Variants in SFMBT2 observed in about 807,000 individuals in gnomAD.
SFMBT2 encodes the protein Scm like with four mbt domains 2, also known as scm-like with four MBT domains protein 2.
A neutral mutation model predicts 110.1 loss-of-function variants in SFMBT2; 38 were observed. The observed-to-expected ratio is 0.35, with a 90% confidence interval of 0.27 to 0.45. The LOEUF (loss-of-function observed/expected upper bound fraction) is 0.45, where lower values mean the gene tolerates loss of function less well. Among genes scored for constraint, SFMBT2 ranks in the 20% least tolerant of loss-of-function variants. SFMBT2 has a pLI of 1.00. For missense variants in SFMBT2, 1,011 were observed against 1,094.9 expected (o/e 0.92, Z 1.08); for synonymous variants, 425 against 425.4 (o/e 1.00, Z 0.01).
chr10:7,327,798 G>C (rs1843440797), intron 4 of SFMBT2, among the ~76,000 whole-genome samples: 1 of 152,028 alleles, frequency 6.6e-6, no homozygotes, highest in Non-Finnish European at 1.5e-5. Context: ...TGTATCAATA[G>C]TTCTTTCAAC....
intron 3 of SFMBT2, among the ~76,000 whole-genome samples, chr10:7,369,575 A>C (rs1408664540): frequency 2.0e-5 from 3 of 152,318 alleles, no homozygotes; most frequent in African/African-American, 7.2e-5. Flanking sequence ...GTTGGATCCA[A>C]ATGTTTTCAT....
chr10:7,202,823 A>G (rs1839000062), intron 12 of SFMBT2: 1 of 985,334 alleles, frequency 1.0e-6, no homozygotes, highest in Non-Finnish European at 1.2e-6. Flanking sequence ...ACCTCACATT[A>G]GCACACATGT....
At chr10:7,249,337 T>C (rs890042005) in intron 7 of SFMBT2, 2 of 226,926 alleles carry the variant, frequency 8.8e-6, no homozygotes, top group African/African-American at 4.7e-5. Context: ...CTTTCCCGCC[T>C]CCTAAGATAA....
Position 7,288,729 on chromosome 10 carries a change from G to A in SFMBT2, c.437-2775C>T, listed in dbSNP as rs986192203. On this transcript the variant is annotated intron_variant, in intron 4 of 20. Coordinates refer to ENST00000397167, the MANE Select transcript of SFMBT2 (RefSeq NM_001387889.1). ...GTCATTAACTCTTGACCAAGTTCAC[G>A]GAAAAAAATTAGAAACAGCGGCCAG... 1.7e-4 allele frequency among the ~76,000 whole-genome samples: 26 copies of A among 152,000 alleles called. 1 individual carries two copies. The highest frequency in any genetic ancestry group is 4.8e-4 in the African/African-American group (20 of 41,376).
chr10:7,368,587 T>C (rs1348705483), intron 3 of SFMBT2, among the ~76,000 whole-genome samples: 1 of 152,198 alleles, frequency 6.6e-6, no homozygotes, highest in Non-Finnish European at 1.5e-5. Flanking sequence ...CCTCCAGCTC[T>C]GGCCCCCAGG....
chr10:7,244,370 T>A (rs1840539179), intron 8 of SFMBT2, among the ~76,000 whole-genome samples: 2 of 152,258 alleles, frequency 1.3e-5, no homozygotes, highest in African/African-American at 4.8e-5. Context: ...CTTCAACTTC[T>A]GTATTGAAAA....
intron 4 of SFMBT2, chr10:7,286,427 A>G (rs2131846897): frequency 1.0e-6 from 1 of 957,866 alleles, no homozygotes; most frequent in Non-Finnish European, 1.2e-6. Context: ...GGTGGACTGA[A>G]GGTGAAATGG....
chr10:7,199,547 G>C (rs970727814), intron 14 of SFMBT2, among the ~76,000 whole-genome samples: 1 of 152,198 alleles, frequency 6.6e-6, no homozygotes, highest in Non-Finnish European at 1.5e-5. Flanking sequence ...TACAATTATA[G>C]ACTATGAAAG....
intron 7 of SFMBT2, among the ~76,000 whole-genome samples, chr10:7,254,265 C>G (rs1840920165): frequency 6.6e-6 from 1 of 152,136 alleles, no homozygotes; most frequent in Non-Finnish European, 1.5e-5. Flanking sequence ...ATCCAATAAG[C>G]ACTGATCAGA....
At chr10:7,225,802 G>A (rs933648089) in intron 10 of SFMBT2, among the ~76,000 whole-genome samples, 3 of 152,162 alleles carry the variant, frequency 2.0e-5, no homozygotes, top group South Asian at 4.1e-4. Context: ...ATGATTCGGG[G>A]AAGGAATATT....
chr10:7,268,955 G>A (rs1224041213), intron 7 of SFMBT2, among the ~76,000 whole-genome samples: 1 of 152,186 alleles, frequency 6.6e-6, no homozygotes, highest in Non-Finnish European at 1.5e-5. Context: ...GATATACAGT[G>A]CAGTCACCTC....
chr10:7,324,818 T>C (rs966728382), intron 4 of SFMBT2, among the ~76,000 whole-genome samples: 12 of 152,132 alleles, frequency 7.9e-5, no homozygotes, highest in Admixed American at 5.9e-4. Context: ...CATGACCTCT[T>C]TGTGTGCTCA....
At chr10:7,403,883 G>A (rs916407662) in intron 1 of SFMBT2, among the ~76,000 whole-genome samples, 1 of 152,168 alleles carries the variant, frequency 6.6e-6, no homozygotes, top group Non-Finnish European at 1.5e-5. Context: ...GAAGCAACAA[G>A]AAGAGTCACT....
intron 7 of SFMBT2, among the ~76,000 whole-genome samples, chr10:7,273,214 T>C (rs1473043497): frequency 6.6e-6 from 1 of 152,208 alleles, no homozygotes; most frequent in African/African-American, 2.4e-5. Context: ...GAGAAGGAAA[T>C]GTAGACAGCA....
chr10:7,211,499 C>T (rs2692824), intron 11 of SFMBT2, among the ~76,000 whole-genome samples: 96,664 of 151,964 alleles, frequency 0.64, 31,064 homozygotes, highest in East Asian at 0.87. Flanking sequence ...AATGGACTTA[C>T]GACAGCCAGA....
intron 8 of SFMBT2, chr10:7,244,050 C>T (rs1840527134): frequency 2.2e-6 from 2 of 902,968 alleles, no homozygotes; most frequent in Admixed American, 6.2e-5. Context: ...ACAGCCAAGA[C>T]AGGAACTGAA....
chr10:7,249,576 G>C (rs1250071439), intron 7 of SFMBT2: 2 of 984,614 alleles, frequency 2.0e-6, no homozygotes, highest in Admixed American at 1.2e-4. Flanking sequence ...AAATATCTGG[G>C]GACCTGTTAC....
chr10:7,389,951 A>G (rs1276007734), intron 1 of SFMBT2, among the ~76,000 whole-genome samples: 3 of 152,240 alleles, frequency 2.0e-5, no homozygotes, highest in Non-Finnish European at 4.4e-5. Context: ...TAATGCTAGC[A>G]CAGGCTAAGC....
chr10:7,408,345 A>C lies in SFMBT2; in HGVS notation c.-52+2516T>G, dbSNP rs1396257067. The stretch of plus-strand genomic sequence containing the variant: ...GGGGTCACCTGCCGCGGGGTCTCCA[A>C]GCCAGTGCCGCTTGCTCCCGGCCCC... On this transcript the variant is annotated intron_variant, in intron 1 of 20. Transcript: ENST00000397167. This position sits in a 1 kb window ranked among gnomAD's most constrained non-coding sequence, Gnocchi z 5.7. Among the ~76,000 whole-genome samples the C allele has an allele frequency of 9.2e-5, 14 of 152,026 alleles. No individual in the cohort carries two copies. The highest frequency in any genetic ancestry group is 9.2e-4 in the Admixed American group (14 of 15,280).
Sources: allele counts gnomAD v4.1 joint callset (sites outside exome capture counted in the v4.1 genomes callset), GRCh38; gene constraint gnomAD v4.1.1; non-coding constraint Gnocchi (gnomAD v3.1); transcripts MANE v1.5; gene names NCBI Gene and HGNC (gene_info 2026-07-23, HGNC 2026-07-21).